Variants in PARD3B observed in about 807,000 individuals in gnomAD.
The protein encoded by PARD3B is partitioning defective 3 homolog B.
A neutral mutation model predicts 130.2 loss-of-function variants in PARD3B; 103 were observed. That is an observed-to-expected ratio of 0.79 (90% confidence interval 0.67 to 0.93). The LOEUF (loss-of-function observed/expected upper bound fraction) is 0.93, where lower values mean the gene tolerates loss of function less well. Ranked by LOEUF, PARD3B falls within the 40% of genes least tolerant of loss-of-function variation. The pLI is 0.00. For synonymous variants in PARD3B, 583 were observed against 553.2 expected (o/e 1.05, Z -0.76); for missense variants, 1,609 against 1,499.2 (o/e 1.07, Z -1.21).
chr2:204,625,878 AC>A (rs1238995787), intron 1 of PARD3B, among the ~76,000 whole-genome samples: 1 of 152,110 alleles, frequency 6.6e-6, no homozygotes, highest in Non-Finnish European at 1.5e-5. Flanking sequence ...CCTTTTCTAT[AC>A]TTTTTTAGTG....
chr2:204,790,248 G>C (rs2042154641), intron 2 of PARD3B, among the ~76,000 whole-genome samples: 1 of 152,102 alleles, frequency 6.6e-6, no homozygotes, highest in East Asian at 1.9e-4. Flanking sequence ...TTTATCTCTG[G>C]TTGTTTGTTT....
chr2:205,444,044 A>G (rs1001882312), intron 20 of PARD3B, among the ~76,000 whole-genome samples: 2 of 152,128 alleles, frequency 1.3e-5, no homozygotes, highest in Non-Finnish European at 2.9e-5. Context: ...GTGCAGTGGC[A>G]TGATGTCAGC....
chr2:204,608,821 A>C (rs2033823606), intron 1 of PARD3B, among the ~76,000 whole-genome samples: 1 of 152,316 alleles, frequency 6.6e-6, no homozygotes, highest in South Asian at 2.1e-4. Context: ...TTAGTCTTTA[A>C]GTTTCTCAGA....
intron 1 of PARD3B, among the ~76,000 whole-genome samples, chr2:204,607,525 C>A (rs72928391): frequency 0.017 from 2,616 of 152,062 alleles, 30 homozygotes; most frequent in Non-Finnish European, 0.028. Context: ...TTTGACTGGG[C>A]CTTGTAAGGA....
Position 205,301,319 on chromosome 2 carries a change from T to C in PARD3B, c.2393-145T>C, listed in dbSNP as rs2041988695. On this transcript the variant is annotated intron_variant, in intron 17 of 22. Transcript: ENST00000406610. This position sits in a 1 kb window ranked among gnomAD's most constrained non-coding sequence, Gnocchi z 5.2. ...GTAACCAGATTTAGGCAGTCAGATCTTCAAAGGGCGCACGTAACCACATAG... is the reference window on the plus strand; with the variant it reads ...GTAACCAGATTTAGGCAGTCAGATCCTCAAAGGGCGCACGTAACCACATAG... 2 of 1,390,030 alleles carry C rather than the reference T, an allele frequency of 1.4e-6. No homozygotes were observed. Among genetic ancestry groups the C allele is most frequent in the Admixed American group, 2.7e-5 (1 of 36,758 alleles). 86.1% of individuals were successfully genotyped at this position (1,390,030 alleles called of 1,614,324 possible).
rs10522212 is a variant in PARD3B, at chr2:204,764,715, C to CGTGTGTGTGTGTGTGTGT, written c.222+78444_222+78461dup. Among the ~76,000 whole-genome samples, 372 of 145,742 alleles carry CGTGTGTGTGTGTGTGTGT rather than the reference C, an allele frequency of 2.6e-3. 4 individuals carry two copies. Among genetic ancestry groups the CGTGTGTGTGTGTGTGTGT allele is most frequent in the South Asian group, 4.7e-3 (21 of 4,434 alleles). On this transcript the variant is annotated intron_variant, in intron 2 of 22. Transcript: ENST00000406610. ...CAGCAGGCTGAATCTGGCATGCATGCGTGTGTGTGTGTGTGTGTGTGTGTG... is the reference window on the plus strand; with the variant it reads ...CAGCAGGCTGAATCTGGCATGCATGCGTGTGTGTGTGTGTGTGTGTGTGTGTGTGTGTGTGTGTGTGTG...
chr2:205,331,567 A>G (rs1282468414), intron 18 of PARD3B, among the ~76,000 whole-genome samples: 1 of 151,876 alleles, frequency 6.6e-6, no homozygotes, highest in Admixed American at 6.6e-5. Context: ...GGATCACCTG[A>G]GGTCAGGAGT....
chr2:205,095,962 G>A (rs554328037), intron 4 of PARD3B, among the ~76,000 whole-genome samples: 5 of 152,028 alleles, frequency 3.3e-5, no homozygotes, highest in South Asian at 4.2e-4. Context: ...AAGAAATAGG[G>A]GTATAGAGAG....
intron 1 of PARD3B, among the ~76,000 whole-genome samples, chr2:204,573,756 C>G (rs571159771): frequency 2.2e-4 from 33 of 152,278 alleles, no homozygotes; most frequent in African/African-American, 7.9e-4. Context: ...CTTCTCCTTT[C>G]ATTTTACCAG....
intron 18 of PARD3B, among the ~76,000 whole-genome samples, chr2:205,386,189 G>A (rs1161904506): frequency 1.3e-5 from 2 of 152,168 alleles, no homozygotes; most frequent in Non-Finnish European, 2.9e-5. Context: ...CTGGCATTGA[G>A]CTGTTTTTCC....
At chr2:204,911,354 A>G (rs1162012509) in intron 2 of PARD3B, among the ~76,000 whole-genome samples, 1 of 152,186 alleles carries the variant, frequency 6.6e-6, no homozygotes, top group African/African-American at 2.4e-5. Context: ...ATCATCATCA[A>G]CGTACTTGGC....
At chr2:205,353,514 G>GT (rs1236368235) in intron 18 of PARD3B, among the ~76,000 whole-genome samples, 2 of 152,066 alleles carry the variant, frequency 1.3e-5, no homozygotes, top group Non-Finnish European at 2.9e-5. Flanking sequence ...TGACCTCTTT[G>GT]TATCTCAAAA....
chr2:205,445,238 T>C (rs549138253), intron 20 of PARD3B, among the ~76,000 whole-genome samples: 1 of 152,300 alleles, frequency 6.6e-6, no homozygotes, highest in Non-Finnish European at 1.5e-5. Flanking sequence ...ACAGTCTTCT[T>C]TTCCCTACCC....
At chr2:205,541,410 G>A (rs1039278610) in intron 21 of PARD3B, among the ~76,000 whole-genome samples, 36 of 149,134 alleles carry the variant, frequency 2.4e-4, no homozygotes, top group Middle Eastern at 3.5e-3. Flanking sequence ...ATGCAATGGC[G>A]TGATCTTGGT....
At chr2:205,172,804 GA>G (rs1314798514) in intron 12 of PARD3B, among the ~76,000 whole-genome samples, 7 of 152,134 alleles carry the variant, frequency 4.6e-5, no homozygotes, top group Non-Finnish European at 1.5e-5. Context: ...GCAGACCTGA[GA>G]CTTAACTAAT....
chr2:204,571,332 C>T (rs2031995254), intron 1 of PARD3B, among the ~76,000 whole-genome samples: 1 of 152,198 alleles, frequency 6.6e-6, no homozygotes, highest in African/African-American at 2.4e-5. Flanking sequence ...AAGCTCATCC[C>T]CAGCCATAAG....
chr2:204,558,343 CAA>C (rs1161446637), intron 1 of PARD3B, among the ~76,000 whole-genome samples: 1 of 152,156 alleles, frequency 6.6e-6, no homozygotes, highest in Non-Finnish European at 1.5e-5. Context: ...GCAACTTCAG[CAA>C]AGTCTCAGGA....
At chr2:204,579,456 A>G (rs938408283) in intron 1 of PARD3B, among the ~76,000 whole-genome samples, 47 of 152,164 alleles carry the variant, frequency 3.1e-4, no homozygotes, top group African/African-American at 1.1e-3. Context: ...CCCTGGGAAC[A>G]ATGCCTTTGG....
chr2:205,604,615 C>T (rs1349954379), intron 22 of PARD3B, among the ~76,000 whole-genome samples: 1 of 151,976 alleles, frequency 6.6e-6, no homozygotes, highest in African/African-American at 2.4e-5. Context: ...GTGACCTGGC[C>T]CTTCTCTCTG....
Sources: gnomAD v4.1 joint callset for allele counts (sites outside exome capture counted in the v4.1 genomes callset) on GRCh38, gnomAD v4.1.1 for gene constraint, Gnocchi (gnomAD v3.1) non-coding constraint, MANE v1.5 for transcripts, NCBI Gene and HGNC (gene_info 2026-07-23, HGNC 2026-07-21) for gene names.